Variants in MYO9B observed in about 807,000 individuals in gnomAD.
MYO9B encodes myosin IXB.
Under a neutral mutation model 229.5 loss-of-function variants are expected in MYO9B, and 71 were observed. The ratio of observed to expected loss-of-function variants is 0.31; its 90% confidence interval spans 0.26 to 0.38. The LOEUF (loss-of-function observed/expected upper bound fraction) is 0.38. Among genes scored for constraint, MYO9B ranks in the 10% least tolerant of loss-of-function variants. MYO9B has a pLI of 1.00. For missense variants in MYO9B, 2,255 were observed against 2,920.5 expected (o/e 0.77, Z 5.25); for synonymous variants, 1,185 against 1,235.8 (o/e 0.96, Z 0.86).
chr19:17,130,492 C>T (rs1046077195), intron 2 of MYO9B, among the ~76,000 whole-genome samples: 4 of 151,990 alleles, frequency 2.6e-5, no homozygotes, highest in Non-Finnish European at 4.4e-5. Flanking sequence ...TGGTGGTGGG[C>T]GCCTGTAGTC....
At chr19:17,090,694 A>C (rs758509281) in intron 1 of MYO9B, among the ~76,000 whole-genome samples, 1 of 151,970 alleles carries the variant, frequency 6.6e-6, no homozygotes, top group Non-Finnish European at 1.5e-5. Flanking sequence ...TGTGCGTGGG[A>C]TGGTCATGAG....
chr19:17,172,542 T>C lies in MYO9B; in HGVS notation c.1935+65T>C, dbSNP rs2072735989. On this transcript the variant is annotated intron_variant, in intron 12 of 39. Transcript: ENST00000682292. This position sits in a 1 kb window ranked among gnomAD's most constrained non-coding sequence, Gnocchi z 8.2. Reference sequence around the variant, plus strand: ...AAGCCACAGTCAGCCCAGAAGCCCATGTGGGAGGATCCTCCTGTGGGCGAG... The same window carrying C: ...AAGCCACAGTCAGCCCAGAAGCCCACGTGGGAGGATCCTCCTGTGGGCGAG... 8.2e-6 allele frequency: 13 copies of C among 1,588,584 alleles called. No individual in the cohort carries two copies. Among genetic ancestry groups the C allele is most frequent in the Middle Eastern group, 1.7e-4 (1 of 5,758 alleles).
intron 3 of MYO9B, among the ~76,000 whole-genome samples, chr19:17,149,113 T>A (rs780137641): frequency 6.6e-6 from 1 of 152,076 alleles, no homozygotes; most frequent in Non-Finnish European, 1.5e-5. Context: ...TAGCTGGGAC[T>A]ACAGGTGCAC....
intron 19 of MYO9B, among the ~76,000 whole-genome samples, chr19:17,190,082 A>G (rs926873795): frequency 1.5e-5 from 2 of 137,660 alleles, no homozygotes; most frequent in Admixed American, 7.4e-5. Context: ...AAAAAAAAAA[A>G]GATTACAGAC....
chr19:17,137,363 TC>T (rs1370728344), intron 2 of MYO9B, among the ~76,000 whole-genome samples: 1 of 151,750 alleles, frequency 6.6e-6, no homozygotes, highest in Non-Finnish European at 1.5e-5. Context: ...CCACTTAAAC[TC>T]CAGTCTGGGC....
At chr19:17,089,019 T>G (rs2057611284) in intron 1 of MYO9B, among the ~76,000 whole-genome samples, 1 of 152,168 alleles carries the variant, frequency 6.6e-6, no homozygotes, top group African/African-American at 2.4e-5. Context: ...GCTTAGTTCC[T>G]CCCTCCTGTC....
rs1332003061 is a variant in MYO9B, at chr19:17,181,005, C to T, written c.2298C>T (p.Ser766=). 1 of 1,610,790 alleles carries T rather than the reference C, an allele frequency of 6.2e-7. No homozygotes were observed. The highest frequency in any genetic ancestry group is 8.5e-7 in the Non-Finnish European group (1 of 1,178,668). ...AGGACCCCCGTAGCCTTCTCCAGTC[C>T]CTCAGTCGGCTCCAGAAACCCCGCG... ...QGEDPRSLLQ[S]LSRLQKPRAF... Residue 766 remains serine, a synonymous_variant, in exon 15 of 40, where the codon TCC becomes TCT. Transcript: ENST00000682292.
intron 8 of MYO9B, among the ~76,000 whole-genome samples, chr19:17,161,325 G>A (rs946839221): frequency 2.0e-5 from 3 of 152,112 alleles, no homozygotes; most frequent in Non-Finnish European, 2.9e-5. Context: ...ACGCCTCAGT[G>A]TGCAGGCACA....
chr19:17,193,133 C>T lies in MYO9B; in HGVS notation c.3128+71C>T, dbSNP rs754442422. 3.7e-5 allele frequency: 52 copies of T among 1,391,562 alleles called. No homozygotes were observed. Among genetic ancestry groups the T allele is most frequent in the Non-Finnish European group, 4.1e-5 (44 of 1,062,872 alleles). 86.2% of individuals were successfully genotyped at this position (1,391,562 alleles called of 1,614,324 possible). ...AAAGGTCACTCACCAAATTGCTGCC[C>T]GTGATATACCATCTGGCCTGTGGCA... On this transcript the variant is annotated intron_variant, in intron 21 of 39. Transcript: ENST00000682292. The surrounding 1 kb of genome is among the most constrained non-coding windows in gnomAD (Gnocchi z 4.3).
At position 17,200,262 on chromosome 19, in the gene MYO9B, C is replaced by A. The variant is rs375463205; in HGVS notation, c.4239-31C>A. 54 of 1,595,250 alleles carry A rather than the reference C, an allele frequency of 3.4e-5. No homozygotes were observed. In the African/African-American group the frequency reaches 6.5e-4, roughly 19 times the overall value. On this transcript the variant is annotated intron_variant, in intron 24 of 39. Transcript: ENST00000682292. Reference sequence around the variant, plus strand: ...GCCTCACGTCCATTTTCATTTCAGACTTAAAAGAAGCCACGTACTTTCTCC... The same window carrying A: ...GCCTCACGTCCATTTTCATTTCAGAATTAAAAGAAGCCACGTACTTTCTCC...
rs751649260 is a variant in MYO9B at position 17,197,856 on chromosome 19, C to G, written c.4111C>G (p.Gln1371Glu). ...SKLLPSLAKA[Q>E]PAAETTDGER... ...GCTCCTCCCGTCCCTGGCCAAGGCT[C>G]AGGTAACAACAACACGGCAAAACCC... is the stretch of plus-strand genomic sequence containing the variant. Residue 1371 changes from glutamine (Q) to glutamate (E), a missense_variant and splice_region_variant, in exon 23 of 40, where the codon CAG (glutamine) becomes GAG (glutamate). Coordinates refer to ENST00000682292, the MANE Select transcript of MYO9B (RefSeq NM_004145.4). 1.1e-5 allele frequency: 17 copies of G among 1,613,128 alleles called. No homozygotes were observed. The East Asian group carries it at 2.5e-4, about 23-fold the overall frequency.
chr19:17,210,838 A>G lies in MYO9B; in HGVS notation c.5920A>G (p.Lys1974Glu). 1 of 1,598,912 alleles carries G rather than the reference A, an allele frequency of 6.3e-7. No individual in the cohort carries two copies. The highest frequency in any genetic ancestry group is 8.5e-7 in the Non-Finnish European group (1 of 1,173,198). The change falls in exon 38 of 40, where the codon AAG becomes GAG. Residue 1974 changes from lysine (K) to glutamate (E), a missense_variant. Lys to Glu is a moderately conservative substitution (Grantham distance 56, BLOSUM62 1). Transcript: ENST00000682292. ...EILIERIQSI[K>E]EEKEDITYRL... ...TCTCATTGAACGGATCCAGTCCATC[A>G]AGGAGGAGAAGCAAGTGGCTCAGTC...
chr19:17,100,144 T>G (rs781484379), intron 1 of MYO9B, among the ~76,000 whole-genome samples: 1 of 144,898 alleles, frequency 6.9e-6, no homozygotes, highest in Non-Finnish European at 1.5e-5. Flanking sequence ...AAGCCCAGAC[T>G]TCACCACTAC....
chr19:17,165,225 G>C (rs1410421242), intron 10 of MYO9B, among the ~76,000 whole-genome samples: 2 of 151,940 alleles, frequency 1.3e-5, no homozygotes, highest in Non-Finnish European at 2.9e-5. Context: ...GAGCCACACA[G>C]AGGCACATAT....
chr19:17,187,333 G>C (rs1015647159), intron 18 of MYO9B, among the ~76,000 whole-genome samples: 25 of 152,036 alleles, frequency 1.6e-4, no homozygotes, highest in African/African-American at 5.8e-4. Flanking sequence ...TGTGACTCCT[G>C]ACCCCAGACC....
chr19:17,093,332 C>CA (rs200288865), intron 1 of MYO9B, among the ~76,000 whole-genome samples: 4,529 of 133,034 alleles, frequency 0.034, 96 homozygotes, highest in Non-Finnish European at 0.051. Context: ...ACTCCCATTT[C>CA]AAAAAAAAAA....
chr19:17,185,373 C>CA (rs200070053), intron 17 of MYO9B, among the ~76,000 whole-genome samples: 14,874 of 107,370 alleles, frequency 0.14, 1,008 homozygotes, highest in African/African-American at 0.21. Context: ...GACTCCATCT[C>CA]AAAAAAAAAA....
intron 6 of MYO9B, among the ~76,000 whole-genome samples, chr19:17,154,633 A>G (rs2072518050): frequency 6.6e-6 from 1 of 152,190 alleles, no homozygotes; most frequent in African/African-American, 2.4e-5. Context: ...GGTAACGTGA[A>G]CATACTTAAC....
chr19:17,203,857 C>T (rs933241131), intron 30 of MYO9B, among the ~76,000 whole-genome samples: 3 of 152,092 alleles, frequency 2.0e-5, no homozygotes, highest in African/African-American at 4.8e-5. Context: ...CCATCGGCCC[C>T]TCCTTCCCCA....
Sources: gnomAD v4.1 joint callset for allele counts (sites outside exome capture counted in the v4.1 genomes callset) on GRCh38, gnomAD v4.1.1 for gene constraint, Gnocchi (gnomAD v3.1) non-coding constraint, MANE v1.5 for transcripts, NCBI Gene and HGNC (gene_info 2026-07-23, HGNC 2026-07-21) for gene names.